The following RBBP8 variants were observed in gnomAD, a reference collection of about 807,000 sequenced individuals.
RBBP8 encodes the protein RB binding protein 8, endonuclease.
Under a neutral mutation model 108.3 loss-of-function variants are expected in RBBP8, and 88 were observed. The observed-to-expected ratio is 0.81, with a 90% CI of 0.68 to 0.97. The LOEUF is 0.97. Ranked by LOEUF, RBBP8 falls within the 50% of genes least tolerant of loss-of-function variation. The pLI, the probability that RBBP8 is intolerant of heterozygous loss-of-function variation, is 0.00. For missense variants in RBBP8, 1,023 were observed against 1,049.0 expected (o/e 0.98, Z 0.34); for synonymous variants, 332 against 348.2 (o/e 0.95, Z 0.52).
chr18:23,011,069 C>T (rs2046150741), intron 16 of RBBP8, among the ~76,000 whole-genome samples: 1 of 152,130 alleles, frequency 6.6e-6, no homozygotes, highest in East Asian at 1.9e-4. Context: ...TTTTCTAATT[C>T]ACAGATCACA....
chr18:22,920,458 T>A (rs1029238475), intron 3 of RBBP8, among the ~76,000 whole-genome samples: 1 of 152,238 alleles, frequency 6.6e-6, no homozygotes, highest in South Asian at 2.1e-4. Context: ...TTAGAAATTA[T>A]GTATCACTGA....
rs758825482 is a variant in RBBP8 at position 23,001,595 on chromosome 18, GA to G, written c.2158del (p.Met720Ter). On this transcript the variant is annotated frameshift_variant, in exon 15 of 19. Transcript: ENST00000327155. LOFTEE classifies it high-confidence loss of function. ...QKGEKSSNEE[R>X]KMNDSLEDMF... ...GTGCTCTTTTACATAGATGAAGAAA[GA>G]AAAATGAATGATAGCTTGGAAGATA... The G allele has an allele frequency of 1.2e-6, 2 of 1,613,948 alleles. No homozygotes were observed. Among genetic ancestry groups the G allele is most frequent in the Non-Finnish European group, 1.7e-6 (2 of 1,180,004 alleles).
Position 23,021,514 on chromosome 18 carries a change from G to A in RBBP8, c.2455-615G>A, listed in dbSNP as rs567024049. Among the ~76,000 whole-genome samples, 207 of 152,112 alleles carry A rather than the reference G, an allele frequency of 1.4e-3. 1 individual carries two copies. The highest frequency in any genetic ancestry group is 2.6e-3 in the Non-Finnish European group (178 of 68,012). On this transcript the variant is annotated intron_variant, in intron 17 of 18. Transcript: ENST00000327155. ...CCTTAAAAACCTGTACAATTTTTAC[G>A]TATAATTTTATCCTTGTGTGCATGA...
At chr18:22,928,522 A>G (rs1485317024), upstream of RBBP8, among the ~76,000 whole-genome samples, 1 of 152,168 alleles carries the variant, frequency 6.6e-6, no homozygotes, top group Admixed American at 6.5e-5. Flanking sequence ...AGCCAAGAGT[A>G]AGACACAGCC....
chr18:22,951,534 A>G (rs1912039878), intron 4 of RBBP8, among the ~76,000 whole-genome samples: 1 of 152,220 alleles, frequency 6.6e-6, no homozygotes, highest in Non-Finnish European at 1.5e-5. Flanking sequence ...AGATGTGAGG[A>G]GGAGTTTCCC....
intron 4 of RBBP8, among the ~76,000 whole-genome samples, chr18:22,959,978 G>A (rs1211167689): frequency 7.0e-6 from 1 of 143,300 alleles, no homozygotes; most frequent in Non-Finnish European, 1.5e-5. Context: ...TGCAAGCTCC[G>A]CCTCCCAGGT....
upstream of RBBP8, among the ~76,000 whole-genome samples, chr18:22,929,743 G>GCTT (rs1909953937): frequency 6.6e-6 from 1 of 152,096 alleles, no homozygotes; most frequent in Non-Finnish European, 1.5e-5. Context: ...AAAGAAAAAA[G>GCTT]CAAGTTTAGG....
chr18:22,980,386 G>A (rs994890764), intron 6 of RBBP8, among the ~76,000 whole-genome samples: 1 of 152,110 alleles, frequency 6.6e-6, no homozygotes, highest in East Asian at 1.9e-4. Flanking sequence ...AATTTTAAAC[G>A]GTAAAATTCC....
rs1319189154 is a variant in RBBP8 at position 22,920,253 on chromosome 18, T to C, written c.-154+3227T>C. Among the ~76,000 whole-genome samples, 5 of 152,280 alleles carry C rather than the reference T, an allele frequency of 3.3e-5. No individual in the cohort carries two copies. In the South Asian group the frequency reaches 8.3e-4, roughly 25 times the overall value. On this transcript the variant is annotated intron_variant, in intron 3 of 4. Coordinates refer to the RBBP8 transcript ENST00000577588. ...AGGCTGCAGTGAGCTGTCTTCACAC[T>C]ACTATACTCCAGCCTGGGCAACTGA...
At chr18:22,973,393 C>G (rs1255746564) in intron 5 of RBBP8, among the ~76,000 whole-genome samples, 3 of 152,116 alleles carry the variant, frequency 2.0e-5, no homozygotes, top group Non-Finnish European at 4.4e-5. Context: ...ATCAAGTAAA[C>G]CATCTTAATC....
At chr18:23,006,483 C>G (rs528790423) in intron 16 of RBBP8, 51 bp downstream of exon 16, 1 of 1,385,996 alleles carries the variant, frequency 7.2e-7, no homozygotes, top group Non-Finnish European at 1.0e-6. Context: ...TACAATAGAG[C>G]TGTCTTTTAT....
intron 3 of RBBP8, among the ~76,000 whole-genome samples, chr18:22,948,675 T>C (rs983121837): frequency 1.3e-5 from 2 of 152,164 alleles, no homozygotes; most frequent in African/African-American, 2.4e-5. Context: ...GACACAATCA[T>C]TTTGACATCT....
At chr18:22,989,654 G>A (rs1230557087) in intron 9 of RBBP8, among the ~76,000 whole-genome samples, 1 of 150,764 alleles carries the variant, frequency 6.6e-6, no homozygotes, top group African/African-American at 2.4e-5. Context: ...TTTCAGAATT[G>A]TTGTTTTGTT....
intron 3 of RBBP8, among the ~76,000 whole-genome samples, chr18:22,947,216 T>G (rs1911636242): frequency 6.6e-6 from 1 of 152,094 alleles, no homozygotes; most frequent in Non-Finnish European, 1.5e-5. Context: ...ATTTAAAGAA[T>G]TGTAAAGACA....
At chr18:23,018,683 T>C (rs893260665) in intron 17 of RBBP8, among the ~76,000 whole-genome samples, 85 of 152,198 alleles carry the variant, frequency 5.6e-4, no homozygotes, top group African/African-American at 2.0e-3. Flanking sequence ...AAAAATAGTC[T>C]GTACATGTTA....
At chr18:22,951,791 T>C (rs543344690) in intron 4 of RBBP8, among the ~76,000 whole-genome samples, 18 of 152,226 alleles carry the variant, frequency 1.2e-4, no homozygotes, top group African/African-American at 4.1e-4. Context: ...CTCACGAAAC[T>C]CAGGAAAACA....
intron 9 of RBBP8, among the ~76,000 whole-genome samples, chr18:22,990,694 C>T (rs1193646251): frequency 2.0e-5 from 3 of 152,138 alleles, no homozygotes; most frequent in Non-Finnish European, 4.4e-5. Context: ...CCCCATTCTC[C>T]TCCCCTCATT....
chr18:23,017,566 A>T (rs1421070928), intron 17 of RBBP8, among the ~76,000 whole-genome samples: 1 of 150,080 alleles, frequency 6.7e-6, no homozygotes, highest in African/African-American at 2.5e-5. Context: ...AGGCAGGAGA[A>T]TGGCGTGAAC....
chr18:23,003,887 T>G (rs1397758081), intron 15 of RBBP8, among the ~76,000 whole-genome samples: 1 of 151,110 alleles, frequency 6.6e-6, no homozygotes, highest in Non-Finnish European at 1.5e-5. Flanking sequence ...TGAAACCCCG[T>G]CTCCTGAAAA....
Sources: gnomAD v4.1 joint callset for allele counts (sites outside exome capture counted in the v4.1 genomes callset) on GRCh38, gnomAD v4.1.1 for gene constraint, MANE v1.5 for transcripts, NCBI Gene and HGNC (gene_info 2026-07-23, HGNC 2026-07-21) for gene names.